KLRD1: variants seen among roughly 807,000 people sequenced by gnomAD.
The protein encoded by KLRD1 is natural killer cells antigen CD94.
KLRD1 carries 21 observed loss-of-function variants against 22.6 expected under a neutral mutation model. That is an observed-to-expected ratio of 0.93 (90% CI 0.66 to 1.34). The LOEUF (loss-of-function observed/expected upper bound fraction) is 1.34. Ranked by LOEUF, KLRD1 falls within the 40% of genes most tolerant of loss-of-function variation. The pLI is 0.00. For missense variants in KLRD1, 183 were observed against 208.6 expected (o/e 0.88, Z 0.76); for synonymous variants, 59 against 71.1 (o/e 0.83, Z 0.85).
At chr12:10,254,443 A>C (rs148507669) in intron 1 of KLRD1, among the ~76,000 whole-genome samples, 4,613 of 151,038 alleles carry the variant, frequency 0.031, 291 homozygotes, top group African/African-American at 0.11. Context: ...AAAAAAAAAA[A>C]AAAAAAAAAC....
intron 1 of KLRD1, chr12:10,308,368 T>C: frequency 4.6e-6 from 2 of 430,152 alleles, no homozygotes; most frequent in Non-Finnish European, 8.5e-6. Flanking sequence ...GGTTAAATTG[T>C]GAGCAACAGT....
chr12:10,311,575 A>T lies in KLRD1; in HGVS notation c.275A>T (p.Gln92Leu), dbSNP rs1950071623. Residue 92 changes from glutamine to leucine, a missense_variant, in exon 4 of 6, where the codon CAG becomes CTG. By Grantham distance (113) the Gln-to-Leu change is moderately radical. Transcript: ENST00000336164. ...GAAAGTCGGCATCTCTGTGCTTCTC[A>T]GAAATCCAGCCTGCTTCAGCTTCAA... ...WNESRHLCAS[Q>L]KSSLLQLQNT... 6.2e-7 allele frequency: 1 copy of T among 1,614,172 alleles called. No individual in the cohort carries two copies. Among genetic ancestry groups the T allele is most frequent in the Admixed American group, 1.7e-5 (1 of 60,032 alleles).
At chr12:10,293,538 G>A (rs1030589485) in intron 1 of KLRD1, among the ~76,000 whole-genome samples, 2 of 152,004 alleles carry the variant, frequency 1.3e-5, no homozygotes. Context: ...TGTTATATGG[G>A]CATTGTTTGT....
intron 1 of KLRD1, among the ~76,000 whole-genome samples, chr12:10,264,902 C>CT (rs1413925260): frequency 3.3e-5 from 5 of 151,880 alleles, no homozygotes; most frequent in Admixed American, 1.3e-4. Context: ...CTCTGTTTCT[C>CT]TAAGTTCAAC....
At position 10,326,424 on chromosome 12, in the gene KLRD1, G is replaced by A. The variant is rs904174966; in HGVS notation, c.*11631G>A. 5.3e-5 allele frequency: 8 copies of A among 152,264 alleles called. No individual in the cohort carries two copies. The highest frequency in any genetic ancestry group is 1.9e-4 in the African/African-American group (8 of 41,446). The allele number at this position is 152,264 out of a possible 1,614,324, so 9.4% of individuals were successfully genotyped here. On this transcript the variant is annotated 3_prime_UTR_variant, in exon 6 of 6. Transcript: ENST00000336164. ...ATGTGCCCAAGGTGGTCAGGGCACA[G>A]TTTGGTTTTATACATTTTAGGGAGA... is the stretch of plus-strand genomic sequence containing the variant.
At chr12:10,264,807 C>G (rs549974848) in intron 1 of KLRD1, among the ~76,000 whole-genome samples, 1 of 151,708 alleles carries the variant, frequency 6.6e-6, no homozygotes, top group Admixed American at 6.6e-5. Flanking sequence ...AGATTTTATT[C>G]GTCTTTTAAC....
intron 5 of KLRD1, 55 bp from the exon 6 acceptor site, chr12:10,314,618 C>T (rs1319991346): frequency 2.1e-6 from 3 of 1,453,140 alleles, no homozygotes; most frequent in Non-Finnish European, 1.8e-6. Context: ...TGAAAAATGC[C>T]CTGAACATTC....
chr12:10,314,843 C>T lies in KLRD1; in HGVS notation c.*50C>T. 1 of 1,521,222 alleles carries T rather than the reference C, an allele frequency of 6.6e-7. No homozygotes were observed. The highest frequency in any genetic ancestry group is 1.4e-5 in the African/African-American group (1 of 72,384). 94.2% of individuals were successfully genotyped at this position (1,521,222 alleles called of 1,614,324 possible). A position where few individuals can be genotyped will look rare whatever the true frequency, so the allele number is the denominator to read the frequency against. ...GAGAGTAAAGACCCAACATTACTAACAATGATACAGTTGCATGTTATATTA... is the reference window on the plus strand; with the variant it reads ...GAGAGTAAAGACCCAACATTACTAATAATGATACAGTTGCATGTTATATTA... On this transcript the variant is annotated 3_prime_UTR_variant, in exon 6 of 6. Coordinates refer to ENST00000336164, the MANE Select transcript of KLRD1 (RefSeq NM_002262.5).
intron 1 of KLRD1, among the ~76,000 whole-genome samples, chr12:10,296,939 T>C (rs1949827645): frequency 6.6e-6 from 1 of 152,240 alleles, no homozygotes. Flanking sequence ...TGGCTCTGCT[T>C]TCTCCCATAA....
intron 1 of KLRD1, among the ~76,000 whole-genome samples, chr12:10,253,386 T>G (rs138028721): frequency 6.7e-4 from 99 of 147,260 alleles, no homozygotes; most frequent in African/African-American, 1.4e-3. Flanking sequence ...GTCTTCGGAT[T>G]CGGGCATCTT....
At chr12:10,267,660 C>T (rs1403587208) in intron 1 of KLRD1, among the ~76,000 whole-genome samples, 1 of 152,166 alleles carries the variant, frequency 6.6e-6, no homozygotes, top group Non-Finnish European at 1.5e-5. Context: ...AATTAGACTT[C>T]TCCTTTTACC....
intron 1 of KLRD1, among the ~76,000 whole-genome samples, chr12:10,290,307 A>G (rs1949755506): frequency 6.6e-6 from 1 of 152,206 alleles, no homozygotes; most frequent in African/African-American, 2.4e-5. Context: ...TCCTTGGGAA[A>G]GGCCAGAGCA....
In KLRD1 at chr12:10,315,513, C is replaced by T. The variant is rs1235010989; in HGVS notation, c.*720C>T. 6.0e-6 allele frequency: 1 copy of T among 167,878 alleles called. No homozygotes were observed. Among genetic ancestry groups the T allele is most frequent in the Non-Finnish European group, 1.3e-5 (1 of 77,576 alleles). 10.4% of individuals were successfully genotyped at this position (167,878 alleles called of 1,614,324 possible). A position where few individuals can be genotyped will look rare whatever the true frequency, so the allele number is the denominator to read the frequency against. On this transcript the variant is annotated 3_prime_UTR_variant, in exon 6 of 6. Coordinates refer to ENST00000336164, the MANE Select transcript of KLRD1 (RefSeq NM_002262.5). ...ATATAGGATGAAAAATAATATCTTT[C>T]AAATGTTTAATTTGAACTAAGAGAG...
At position 10,328,662 on chromosome 12, in the gene KLRD1, ATTTTC is replaced by A. The variant is rs924200057; in HGVS notation, c.*13873_*13877del. ...TTTTATTTCTGAACTAATCTTTATT[ATTTTC>A]TTTATTCTTCTAAATTTGAACTTTG... On this transcript the variant is annotated 3_prime_UTR_variant, in exon 6 of 6. Coordinates refer to ENST00000336164, the MANE Select transcript of KLRD1 (RefSeq NM_002262.5). 6.6e-6 allele frequency: 1 copy of A among 151,884 alleles called. No individual in the cohort carries two copies. The highest frequency in any genetic ancestry group is 2.4e-5 in the African/African-American group (1 of 41,326). 9.4% of individuals were successfully genotyped at this position (151,884 alleles called of 1,614,324 possible). A position where few individuals can be genotyped will look rare whatever the true frequency, so the allele number is the denominator to read the frequency against.
At position 10,320,444 on chromosome 12, in the gene KLRD1, T is replaced by C. The variant is rs1378996571; in HGVS notation, c.*5651T>C. The C allele has an allele frequency of 1.3e-5, 2 of 152,178 alleles. No individual in the cohort carries two copies. The highest frequency in any genetic ancestry group is 4.8e-5 in the African/African-American group (2 of 41,432). The allele number at this position is 152,178 out of a possible 1,614,324, so 9.4% of individuals were successfully genotyped here. A position where few individuals can be genotyped will look rare whatever the true frequency, so the allele number is the denominator to read the frequency against. On this transcript the variant is annotated 3_prime_UTR_variant, in exon 6 of 6. Coordinates refer to ENST00000336164, the MANE Select transcript of KLRD1 (RefSeq NM_002262.5). ...ACCAGAAAGTTTAGCAACACTTTTG[T>C]CTGTAGCATTGTGGAAAGTAGAAAA...
chr12:10,325,632 CTTGT>C lies in KLRD1; in HGVS notation c.*10842_*10845del, dbSNP rs937564157. The C allele has an allele frequency of 6.6e-6, 1 of 152,108 alleles. No homozygotes were observed. 9.4% of individuals were successfully genotyped at this position (152,108 alleles called of 1,614,324 possible). A position where few individuals can be genotyped will look rare whatever the true frequency, so the allele number is the denominator to read the frequency against. On this transcript the variant is annotated 3_prime_UTR_variant, in exon 6 of 6. Transcript: ENST00000336164. The stretch of plus-strand genomic sequence containing the variant: ...GAATCATATAGTATTTATCCTGTGA[CTTGT>C]TTATTTCATTTAGCATAATGTCCTC...
At chr12:10,302,609 G>T (rs2137678295), upstream of KLRD1, among the ~76,000 whole-genome samples, 1 of 152,208 alleles carries the variant, frequency 6.6e-6, no homozygotes, top group East Asian at 1.9e-4. Flanking sequence ...CAATTTGGTG[G>T]GCAGGGGGTT....
intron 1 of KLRD1, among the ~76,000 whole-genome samples, chr12:10,257,135 T>C (rs1173458729): frequency 5.7e-5 from 2 of 34,854 alleles, no homozygotes; most frequent in Non-Finnish European, 2.9e-4. Context: ...TTTTCTTTTC[T>C]TTTCTTTTTT....
chr12:10,267,232 T>G (rs1260752309), intron 1 of KLRD1, among the ~76,000 whole-genome samples: 1 of 152,146 alleles, frequency 6.6e-6, no homozygotes, highest in Non-Finnish European at 1.5e-5. Context: ...GCATTAAAAT[T>G]GCATAAGTGC....
Sources: gnomAD v4.1 joint callset for allele counts (sites outside exome capture counted in the v4.1 genomes callset) on GRCh38, gnomAD v4.1.1 for gene constraint, MANE v1.5 for transcripts, NCBI Gene and HGNC (gene_info 2026-07-23, HGNC 2026-07-21) for gene names.